ZNF362: variants seen among roughly 807,000 people sequenced by gnomAD.
The protein encoded by ZNF362 is zinc finger protein 362.
A neutral mutation model predicts 42.9 loss-of-function variants in ZNF362; 11 were observed. That is an observed-to-expected ratio of 0.26 (90% CI 0.16 to 0.42). ZNF362 has a LOEUF of 0.42. Among genes scored for constraint, ZNF362 ranks in the 20% least tolerant of loss-of-function variants. ZNF362 has a pLI of 1.00. For missense variants in ZNF362, 362 were observed against 576.2 expected (o/e 0.63, Z 3.81); for synonymous variants, 255 against 257.3 (o/e 0.99, Z 0.09).
the ZNF362 span, among the ~76,000 whole-genome samples, chr1:33,175,745 C>G: frequency 6.6e-6 from 1 of 152,050 alleles, no homozygotes; most frequent in African/African-American, 2.4e-5. Context: ...CAGTCCCACT[C>G]AGGGAGTAGG....
At chr1:33,201,659 A>G in the ZNF362 span, among the ~76,000 whole-genome samples, 1 of 152,232 alleles carries the variant, frequency 6.6e-6, no homozygotes, top group African/African-American at 2.4e-5. Flanking sequence ...GGAAAGTTAT[A>G]GCACTAAATG....
At chr1:33,165,904 C>T in the ZNF362 span, 1 of 188,640 alleles carries the variant, frequency 5.3e-6, no homozygotes, top group African/African-American at 2.3e-5. This position sits in a 1 kb window ranked among gnomAD's most constrained non-coding sequence, Gnocchi z 4.0. Context: ...GTCTCCAACC[C>T]CCAGGCCACA....
chr1:33,220,860 C>T, the ZNF362 span, among the ~76,000 whole-genome samples: 1 of 152,130 alleles, frequency 6.6e-6, no homozygotes, highest in Non-Finnish European at 1.5e-5. Context: ...AGCCATGGTT[C>T]TCCTAATGCC....
At chr1:33,184,099 T>C in the ZNF362 span, among the ~76,000 whole-genome samples, 3 of 151,866 alleles carry the variant, frequency 2.0e-5, no homozygotes, top group Non-Finnish European at 4.4e-5. Flanking sequence ...AACATGTATT[T>C]ACTGATGCTG....
At chr1:33,227,590 A>T in the ZNF362 span, among the ~76,000 whole-genome samples, 1 of 152,194 alleles carries the variant, frequency 6.6e-6, no homozygotes, top group Non-Finnish European at 1.5e-5. Flanking sequence ...TTAACGCCTT[A>T]GACATCAAGA....
intron 6 of ZNF362, among the ~76,000 whole-genome samples, chr1:33,288,159 G>C (rs1352623458): frequency 6.6e-6 from 1 of 152,118 alleles, no homozygotes; most frequent in Admixed American, 6.5e-5. Flanking sequence ...TTTTAGAGAG[G>C]GGGAAACTGA....
the ZNF362 span, among the ~76,000 whole-genome samples, chr1:33,214,285 A>T: frequency 6.6e-6 from 1 of 152,194 alleles, no homozygotes; most frequent in Non-Finnish European, 1.5e-5. Flanking sequence ...GGAAAACAGG[A>T]TCTCCATATG....
At chr1:33,218,145 G>A in the ZNF362 span, among the ~76,000 whole-genome samples, 1 of 152,154 alleles carries the variant, frequency 6.6e-6, no homozygotes, top group East Asian at 1.9e-4. Flanking sequence ...GAACAGTTAG[G>A]TAGAAAAATG....
At chr1:33,133,816 T>A in the ZNF362 span, among the ~76,000 whole-genome samples, 3 of 152,172 alleles carry the variant, frequency 2.0e-5, no homozygotes, top group African/African-American at 7.2e-5. Flanking sequence ...AGGCAAAGAT[T>A]GAGTGACCTT....
chr1:33,247,041 T>C, the ZNF362 span, among the ~76,000 whole-genome samples: 1 of 152,206 alleles, frequency 6.6e-6, no homozygotes, highest in Non-Finnish European at 1.5e-5. Context: ...TGTCCTGGTC[T>C]CTGGTTTAAT....
the ZNF362 span, among the ~76,000 whole-genome samples, chr1:33,157,348 A>G: frequency 5.3e-4 from 80 of 152,164 alleles, 1 homozygote; most frequent in African/African-American, 1.9e-3. Context: ...TGCTGTCCCC[A>G]TGCCAGGAGC....
the ZNF362 span, chr1:33,181,607 G>C: frequency 1.6e-6 from 2 of 1,242,786 alleles, no homozygotes; most frequent in Non-Finnish European, 2.1e-6. This position sits in a 1 kb window ranked among gnomAD's most constrained non-coding sequence, Gnocchi z 6.5. Flanking sequence ...ACGCGAGGAA[G>C]GGGTGCGCGG....
chr1:33,170,035 C>A, the ZNF362 span, among the ~76,000 whole-genome samples: 1 of 152,148 alleles, frequency 6.6e-6, no homozygotes, highest in Non-Finnish European at 1.5e-5. Flanking sequence ...GTCAATCTCC[C>A]CTACTAGGCC....
At chr1:33,223,893 CAA>C in the ZNF362 span, among the ~76,000 whole-genome samples, 507 of 85,382 alleles carry the variant, frequency 5.9e-3, 17 homozygotes, top group East Asian at 0.11. Flanking sequence ...AACTCCATCT[CAA>C]AAAAAAAAAA....
intron 8 of ZNF362, 27 bp downstream of exon 8, chr1:33,295,332 C>A: frequency 6.2e-7 from 1 of 1,607,312 alleles, no homozygotes; most frequent in South Asian, 1.1e-5. Context: ...CTGTGCCCTG[C>A]CCCGGGGGAG....
the ZNF362 span, among the ~76,000 whole-genome samples, chr1:33,149,497 C>T: frequency 1.3e-5 from 2 of 152,066 alleles, no homozygotes; most frequent in African/African-American, 2.4e-5. Flanking sequence ...CTCTGCCACC[C>T]AGGCTGGAGT....
intron 6 of ZNF362, among the ~76,000 whole-genome samples, chr1:33,288,437 A>G (rs1646047303): frequency 6.6e-6 from 1 of 152,128 alleles, no homozygotes; most frequent in African/African-American, 2.4e-5. Flanking sequence ...TGTGCTGCCT[A>G]AAGAGGAGTG....
the ZNF362 span, among the ~76,000 whole-genome samples, chr1:33,209,782 T>C: frequency 2.0e-5 from 3 of 152,318 alleles, no homozygotes; most frequent in East Asian, 5.8e-4. Flanking sequence ...CCCTTTATCA[T>C]TTTTTATTGC....
the ZNF362 span, among the ~76,000 whole-genome samples, chr1:33,218,217 G>T: frequency 2.6e-5 from 4 of 152,168 alleles, no homozygotes; most frequent in Admixed American, 2.6e-4. Flanking sequence ...AAGGTGGGAG[G>T]ATCACTCGAG....
Sources: gnomAD v4.1 joint callset for allele counts (sites outside exome capture counted in the v4.1 genomes callset) on GRCh38, gnomAD v4.1.1 for gene constraint, Gnocchi (gnomAD v3.1) non-coding constraint, MANE v1.5 for transcripts, NCBI Gene and HGNC (gene_info 2026-07-23, HGNC 2026-07-21) for gene names.